ITPR2: variants seen among roughly 807,000 people sequenced by gnomAD.
ITPR2 encodes the protein inositol 1,4,5-trisphosphate-gated calcium channel ITPR2.
A neutral mutation model predicts 317.1 loss-of-function variants in ITPR2; 207 were observed. That is an observed-to-expected ratio of 0.65 (90% CI 0.58 to 0.73). The LOEUF (loss-of-function observed/expected upper bound fraction) is 0.73. Ranked by LOEUF, ITPR2 falls within the 30% of genes least tolerant of loss-of-function variation. The pLI is 0.00. For synonymous variants in ITPR2, 1,156 were observed against 1,149.1 expected (o/e 1.01, Z -0.12); for missense variants, 2,613 against 3,284.0 (o/e 0.80, Z 4.99).
intron 2 of ITPR2, among the ~76,000 whole-genome samples, chr12:26,758,290 T>G (rs781225658): frequency 6.6e-5 from 10 of 152,214 alleles, no homozygotes; most frequent in Non-Finnish European, 1.3e-4. Flanking sequence ...AAAAGATTAG[T>G]TGAATATGAA....
intron 52 of ITPR2, among the ~76,000 whole-genome samples, chr12:26,408,460 G>A (rs917700769): frequency 1.3e-5 from 2 of 152,122 alleles, no homozygotes; most frequent in South Asian, 4.2e-4. Context: ...ATCATGCCTG[G>A]GGAGTTGTAT....
At position 26,537,801 on chromosome 12, in the gene ITPR2, A is replaced by T. The variant is rs1944140115; in HGVS notation, c.5073+12446T>A. The stretch of plus-strand genomic sequence containing the variant: ...AAAAGCCAGCGATAACTGAGATAAG[A>T]TAGACCTAACAACTTCACCGAGCAA... On this transcript the variant is annotated intron_variant, in intron 37 of 56. Transcript: ENST00000381340. Among the ~76,000 whole-genome samples the T allele has an allele frequency of 2.6e-5, 4 of 152,342 alleles. No individual in the cohort carries two copies. The East Asian group carries it at 7.7e-4, about 29-fold the overall frequency.
At chr12:26,463,057 C>T (rs951325476) in intron 45 of ITPR2, among the ~76,000 whole-genome samples, 2 of 152,176 alleles carry the variant, frequency 1.3e-5, no homozygotes, top group African/African-American at 4.8e-5. Context: ...CAAGTACACA[C>T]ATAAACCCAT....
At chr12:26,549,276 A>G (rs1369622899) in intron 37 of ITPR2, among the ~76,000 whole-genome samples, 1 of 152,216 alleles carries the variant, frequency 6.6e-6, no homozygotes, top group East Asian at 1.9e-4. Flanking sequence ...CAGAGAACTA[A>G]TGCAAAGTAG....
chr12:26,568,006 T>TATATATATTATATATATTATA (rs1196635588), intron 34 of ITPR2, among the ~76,000 whole-genome samples: 1 of 7,506 alleles, frequency 1.3e-4, no homozygotes, highest in African/African-American at 3.6e-4. Context: ...ATTATATATA[T>TATATATATTATATATATTATA]TATATATATA....
intron 55 of ITPR2, among the ~76,000 whole-genome samples, chr12:26,348,025 T>G (rs946631925): frequency 6.6e-6 from 1 of 152,250 alleles, no homozygotes; most frequent in Non-Finnish European, 1.5e-5. Flanking sequence ...CTAAGGTTTT[T>G]CTTGGTTACC....
chr12:26,679,641 A>G (rs1947989868), intron 13 of ITPR2, among the ~76,000 whole-genome samples: 1 of 152,212 alleles, frequency 6.6e-6, no homozygotes, highest in Non-Finnish European at 1.5e-5. Flanking sequence ...TGTCACACAT[A>G]GTACTACAGT....
chr12:26,415,602 T>C (rs1290571628), intron 50 of ITPR2, 104 bp from the exon 51 acceptor site: 4 of 784,788 alleles, frequency 5.1e-6, no homozygotes, highest in African/African-American at 3.6e-5. Context: ...TTCTAGTTTA[T>C]ATATAAAGAA....
intron 2 of ITPR2, among the ~76,000 whole-genome samples, chr12:26,776,858 A>G (rs1442803507): frequency 2.0e-5 from 3 of 152,212 alleles, no homozygotes; most frequent in Non-Finnish European, 2.9e-5. Flanking sequence ...TTCTAGACCT[A>G]TAACTAGACT....
intron 2 of ITPR2, among the ~76,000 whole-genome samples, chr12:26,736,710 A>C (rs1052540311): frequency 3.3e-5 from 5 of 152,200 alleles, no homozygotes; most frequent in African/African-American, 1.2e-4. Flanking sequence ...AATATAAATA[A>C]GTGAATACTG....
intron 23 of ITPR2, among the ~76,000 whole-genome samples, chr12:26,627,128 T>G (rs1447294905): frequency 6.6e-6 from 1 of 152,182 alleles, no homozygotes; most frequent in Non-Finnish European, 1.5e-5. Flanking sequence ...AGTTTATAAC[T>G]ATACAAAGTA....
intron 31 of ITPR2, among the ~76,000 whole-genome samples, 155 bp downstream of exon 31, chr12:26,596,728 C>A (rs777320453): frequency 4.0e-5 from 6 of 151,474 alleles, no homozygotes; most frequent in Non-Finnish European, 5.9e-5. Context: ...CTTCTATGCT[C>A]TTTTACATTT....
At chr12:26,408,622 TG>T (rs1940438023) in intron 52 of ITPR2, among the ~76,000 whole-genome samples, 1 of 152,194 alleles carries the variant, frequency 6.6e-6, no homozygotes, top group Non-Finnish European at 1.5e-5. Flanking sequence ...TACCACGCTG[TG>T]GGTGAGACTC....
At chr12:26,710,197 G>A (rs1235168231) in intron 9 of ITPR2, among the ~76,000 whole-genome samples, 2 of 152,166 alleles carry the variant, frequency 1.3e-5, no homozygotes, top group East Asian at 3.8e-4. Flanking sequence ...ACTCCAGCCT[G>A]GGCAACAGGG....
chr12:26,630,662 G>C (rs757355028), intron 22 of ITPR2: 6 of 152,202 alleles, frequency 3.9e-5, no homozygotes, highest in Non-Finnish European at 8.8e-5. Flanking sequence ...TCAAGGAGAC[G>C]CTGCAGAAAT....
intron 37 of ITPR2, among the ~76,000 whole-genome samples, chr12:26,548,887 C>A (rs1565596082): frequency 6.6e-6 from 1 of 152,182 alleles, no homozygotes; most frequent in Non-Finnish European, 1.5e-5. Context: ...ATACTCTTGA[C>A]TAGCCAAAGT....
chr12:26,752,866 T>G (rs1417676694), intron 2 of ITPR2, among the ~76,000 whole-genome samples: 1 of 151,994 alleles, frequency 6.6e-6, no homozygotes, highest in Non-Finnish European at 1.5e-5. Context: ...AGTGGTGGTG[T>G]CCTATAACAT....
intron 55 of ITPR2, among the ~76,000 whole-genome samples, chr12:26,373,929 G>T (rs117761455): frequency 0.013 from 1,904 of 152,300 alleles, 16 homozygotes; most frequent in Non-Finnish European, 0.02. Flanking sequence ...AGCAGGCAGA[G>T]CTTGCCCCTA....
intron 2 of ITPR2, among the ~76,000 whole-genome samples, chr12:26,786,448 A>AT (rs1555192038): frequency 0.015 from 1,090 of 71,944 alleles, 32 homozygotes; most frequent in African/African-American, 0.034. Flanking sequence ...AGAATGATCA[A>AT]TAAAAAAAAA....
Sources: gnomAD v4.1 joint callset for allele counts (sites outside exome capture counted in the v4.1 genomes callset) on GRCh38, gnomAD v4.1.1 for gene constraint, MANE v1.5 for transcripts, NCBI Gene and HGNC (gene_info 2026-07-23, HGNC 2026-07-21) for gene names.